IQSEC1: variants seen among roughly 807,000 people sequenced by gnomAD.
The protein encoded by IQSEC1 is IQ motif and Sec7 domain ArfGEF 1.
IQSEC1 carries 31 observed loss-of-function variants against 91.0 expected under a neutral mutation model. The ratio of observed to expected loss-of-function variants is 0.34; its 90% CI spans 0.26 to 0.46. IQSEC1 has a LOEUF of 0.46. Among genes scored for constraint, IQSEC1 ranks in the 20% least tolerant of loss-of-function variants. The pLI is 1.00. For synonymous variants in IQSEC1, 699 were observed against 662.6 expected (o/e 1.05, Z -0.84); for missense variants, 1,388 against 1,575.6 (o/e 0.88, Z 2.02).
At chr3:13,064,059 A>G (rs1429695193) in intron 1 of IQSEC1, among the ~76,000 whole-genome samples, 6 of 151,900 alleles carry the variant, frequency 3.9e-5, no homozygotes, top group Admixed American at 1.3e-4. Flanking sequence ...GTTTCCCCCA[A>G]TGGTAACATC....
Position 12,899,243 on chromosome 3 carries a change from CT to C in IQSEC1, c.*1739del, listed in dbSNP as rs1433372769. 1.1e-6 allele frequency: 1 copy of C among 880,734 alleles called. No individual in the cohort carries two copies. Among genetic ancestry groups the C allele is most frequent in the East Asian group, 2.7e-5 (1 of 36,980 alleles). 54.6% of individuals were successfully genotyped at this position (880,734 alleles called of 1,614,324 possible). A position where few individuals can be genotyped will look rare whatever the true frequency, so the allele number is the denominator to read the frequency against. On this transcript the variant is annotated 3_prime_UTR_variant, in exon 14 of 14. Coordinates refer to ENST00000613206, the MANE Select transcript of IQSEC1 (RefSeq NM_001134382.3). Reference sequence around the variant, plus strand: ...TGACACACAGCCAGAGGGGGCTCCCCTCTCCTCCTGCCGTCCGGCCACGGCT... The same window carrying C: ...TGACACACAGCCAGAGGGGGCTCCCCCTCCTCCTGCCGTCCGGCCACGGCT...
intron 1 of IQSEC1, among the ~76,000 whole-genome samples, chr3:12,962,205 G>A (rs1169815831): frequency 6.6e-6 from 1 of 152,208 alleles, no homozygotes; most frequent in East Asian, 1.9e-4. Flanking sequence ...CTTAAGGGCA[G>A]CCAGAATAAG....
intron 1 of IQSEC1, among the ~76,000 whole-genome samples, chr3:12,982,198 G>A (rs1701497754): frequency 6.6e-6 from 1 of 152,096 alleles, no homozygotes; most frequent in East Asian, 1.9e-4. Flanking sequence ...ACCATCAGTT[G>A]TCCTTTAGCA....
At chr3:13,047,555 T>C (rs1704546670) in intron 1 of IQSEC1, 2 of 979,514 alleles carry the variant, frequency 2.0e-6, no homozygotes, top group South Asian at 4.7e-5. Context: ...GGGTTACTTA[T>C]GGTCCCACAC....
rs1706103245 is a variant in IQSEC1 at position 13,103,786 on chromosome 3, GAGGGC to G, written c.303-56269_303-56265del. 6.6e-6 allele frequency among the ~76,000 whole-genome samples: 1 copy of G among 152,142 alleles called. No homozygotes were observed. The highest frequency in any genetic ancestry group is 2.1e-4 in the South Asian group (1 of 4,828). ...TATTCCATGTTGCCTACCACCCTAC[GAGGGC>G]AGGGGCTGTGTCTGCCTCCATCACT... On this transcript the variant is annotated intron_variant, in intron 2 of 15. Transcript: ENST00000648114. The surrounding 1 kb of genome is among the most constrained non-coding windows in gnomAD (Gnocchi z 4.1).
rs559616689 is a variant in IQSEC1, at chr3:12,917,807, G to A, written c.2021-2074C>T. On this transcript the variant is annotated intron_variant, in intron 6 of 13. Transcript: ENST00000613206. Reference sequence around the variant, plus strand: ...TTACTTTCTGGCTTTCAAACTATGTGAATATCCATTCAAAAAATAAATTAA... The same window carrying A: ...TTACTTTCTGGCTTTCAAACTATGTAAATATCCATTCAAAAAATAAATTAA... Among the ~76,000 whole-genome samples the A allele has an allele frequency of 3.9e-5, 6 of 152,284 alleles. No individual in the cohort carries two copies. The East Asian group carries it at 1.2e-3, about 29-fold the overall frequency.
chr3:13,165,557 T>TGC (rs1693476066), intron 1 of IQSEC1, among the ~76,000 whole-genome samples: 1 of 138,224 alleles, frequency 7.2e-6, no homozygotes, highest in East Asian at 2.2e-4. Flanking sequence ...TGTGTGTGTG[T>TGC]GTGTGTGTGT....
intron 1 of IQSEC1, among the ~76,000 whole-genome samples, chr3:13,168,163 A>G (rs1693533561): frequency 6.6e-6 from 1 of 152,216 alleles, no homozygotes; most frequent in African/African-American, 2.4e-5. Flanking sequence ...AATCCCCCTT[A>G]GCTCAAACTA....
chr3:13,124,791 C>T (rs1706484516), intron 2 of IQSEC1, among the ~76,000 whole-genome samples: 1 of 152,204 alleles, frequency 6.6e-6, no homozygotes, highest in African/African-American at 2.4e-5. Flanking sequence ...CCCAGACTGT[C>T]CTGGCTCAGT....
intron 1 of IQSEC1, among the ~76,000 whole-genome samples, chr3:12,943,097 C>T (rs62242675): frequency 0.05 from 7,563 of 152,300 alleles, 251 homozygotes; most frequent in South Asian, 0.1. Context: ...GAGGAATCAT[C>T]GACTCCCCTT....
rs1418061374 is a variant in IQSEC1 at position 13,228,772 on chromosome 3, G to T, written c.272+53939C>A. Among the ~76,000 whole-genome samples, 4 of 151,930 alleles carry T rather than the reference G, an allele frequency of 2.6e-5. No individual in the cohort carries two copies. The East Asian group carries it at 7.7e-4, about 29-fold the overall frequency. On this transcript the variant is annotated intron_variant, in intron 1 of 15. Coordinates refer to the IQSEC1 transcript ENST00000648114. ...ACAAGAAAACTTGTGCTGACCTCAG[G>T]GCCTTTGCACATGCTGTTCCTGCTG...
intron 1 of IQSEC1, among the ~76,000 whole-genome samples, chr3:13,045,590 C>T (rs1176686506): frequency 1.3e-5 from 2 of 152,192 alleles, no homozygotes; most frequent in East Asian, 3.8e-4. Flanking sequence ...TGGGCAGGAG[C>T]ACGGAACCTG....
rs143227090 is a variant in IQSEC1 at position 12,997,807 on chromosome 3, G to A, written c.24-55942C>T. On this transcript the variant is annotated intron_variant, in intron 1 of 13. Transcript: ENST00000613206. ...ATTTGACCAGGTAGTAGATATTTGT[G>A]TATCTAAACATAACATAGAAAAGGT... is the stretch of plus-strand genomic sequence containing the variant. Among the ~76,000 whole-genome samples, 215 of 152,264 alleles carry A rather than the reference G, an allele frequency of 1.4e-3. 1 individual carries two copies. Among genetic ancestry groups the A allele is most frequent in the African/African-American group, 3.9e-3 (163 of 41,536 alleles).
intron 1 of IQSEC1, among the ~76,000 whole-genome samples, chr3:13,274,090 A>C (rs1695634405): frequency 6.6e-6 from 1 of 152,152 alleles, no homozygotes; most frequent in Non-Finnish European, 1.5e-5. Flanking sequence ...CCCTCCCTCC[A>C]GTCCTGTCTT....
chr3:13,234,527 C>G (rs969551394), intron 1 of IQSEC1, among the ~76,000 whole-genome samples: 2 of 152,038 alleles, frequency 1.3e-5, no homozygotes, highest in African/African-American at 4.8e-5. Flanking sequence ...CTTCTAAGTA[C>G]CCCCCTACCC....
intron 1 of IQSEC1, among the ~76,000 whole-genome samples, chr3:12,958,871 C>T (rs959831531): frequency 6.6e-6 from 1 of 152,220 alleles, no homozygotes; most frequent in Non-Finnish European, 1.5e-5. Context: ...ATGCCAGGCT[C>T]TAAGCCCAGC....
chr3:13,020,934 G>A (rs1042619853), intron 1 of IQSEC1, among the ~76,000 whole-genome samples: 2 of 152,180 alleles, frequency 1.3e-5, no homozygotes, highest in African/African-American at 4.8e-5. Context: ...AGGAAAGAAG[G>A]AGAAATAGAA....
chr3:13,248,236 G>A (rs1488322620), intron 1 of IQSEC1, among the ~76,000 whole-genome samples: 2 of 152,156 alleles, frequency 1.3e-5, no homozygotes, highest in African/African-American at 2.4e-5. Flanking sequence ...CATCTACGTG[G>A]GTTCAGGAGG....
intron 1 of IQSEC1, among the ~76,000 whole-genome samples, chr3:13,229,306 T>C (rs781448832): frequency 9.9e-5 from 15 of 152,248 alleles, no homozygotes; most frequent in Non-Finnish European, 1.6e-4. Context: ...CATACTATGA[T>C]GACAGGGCCT....
Sources: gnomAD v4.1 joint callset for allele counts (sites outside exome capture counted in the v4.1 genomes callset) on GRCh38, gnomAD v4.1.1 for gene constraint, Gnocchi (gnomAD v3.1) non-coding constraint, MANE v1.5 for transcripts, NCBI Gene and HGNC (gene_info 2026-07-23, HGNC 2026-07-21) for gene names.